UACA: variants seen among roughly 807,000 people sequenced by gnomAD.
UACA encodes the protein nuclear membrane binding protein.
A neutral mutation model predicts 160.5 loss-of-function variants in UACA; 112 were observed. The ratio of observed to expected loss-of-function variants is 0.70; its 90% CI spans 0.60 to 0.82. UACA has a LOEUF of 0.82. Ranked by LOEUF, UACA falls within the 40% of genes least tolerant of loss-of-function variation. UACA has a pLI of 0.00. For synonymous variants in UACA, 557 were observed against 568.4 expected, an observed-to-expected ratio of 0.98 and a Z score of 0.29; for missense variants, 1,574 against 1,614.6, an observed-to-expected ratio of 0.97 and a Z score of 0.43.
intron 18 of UACA, among the ~76,000 whole-genome samples, chr15:70,657,632 C>T (rs1896527565): frequency 6.6e-6 from 1 of 151,988 alleles, no homozygotes; most frequent in Non-Finnish European, 1.5e-5. Context: ...GCTGCTCTAA[C>T]TTCCATTACC....
chr15:70,718,398 T>C (rs1357535134), intron 1 of UACA, among the ~76,000 whole-genome samples: 1 of 147,750 alleles, frequency 6.8e-6, no homozygotes, highest in Non-Finnish European at 1.5e-5. Flanking sequence ...CCTAGGTTAT[T>C]GCTTTGGGGA....
intron 18 of UACA, among the ~76,000 whole-genome samples, chr15:70,657,922 TAAA>T (rs67011580): frequency 3.6e-5 from 5 of 138,654 alleles, no homozygotes; most frequent in African/African-American, 5.4e-5. Flanking sequence ...CGCAAAAACT[TAAA>T]AAAAAAAAAA....
At chr15:70,770,050 A>G in the UACA span, among the ~76,000 whole-genome samples, 12 of 152,250 alleles carry the variant, frequency 7.9e-5, no homozygotes, top group Non-Finnish European at 1.6e-4. Flanking sequence ...ATTTAAAAAA[A>G]TACTTACTGC....
intron 2 of UACA, among the ~76,000 whole-genome samples, chr15:70,696,026 T>C (rs1048304152): frequency 9.9e-5 from 15 of 152,114 alleles, no homozygotes; most frequent in African/African-American, 3.6e-4. Flanking sequence ...TGAACTCAAG[T>C]AGAAATAGAA....
intron 1 of UACA, among the ~76,000 whole-genome samples, chr15:70,743,067 T>C (rs571655452): frequency 6.6e-6 from 1 of 152,284 alleles, no homozygotes; most frequent in East Asian, 1.9e-4. Context: ...CCTTAAGGTA[T>C]AGGACTGAGG....
chr15:70,707,425 A>C (rs1205125941), intron 1 of UACA, among the ~76,000 whole-genome samples: 1 of 152,228 alleles, frequency 6.6e-6, no homozygotes, highest in Non-Finnish European at 1.5e-5. Context: ...AAAATAGATC[A>C]ATGAAACTAT....
chr15:70,702,285 A>C (rs1441186176), intron 1 of UACA: 22 of 1,028,696 alleles, frequency 2.1e-5, no homozygotes, highest in Non-Finnish European at 2.6e-5. Context: ...TCAACACTGC[A>C]ACACAGACGC....
the UACA span, chr15:70,778,641 C>T: frequency 6.6e-6 from 1 of 152,192 alleles, no homozygotes; most frequent in African/African-American, 2.4e-5. Context: ...TTAATCACAT[C>T]TACAAAGACC....
At chr15:70,701,080 A>G (rs1414011245) in intron 1 of UACA, among the ~76,000 whole-genome samples, 1 of 152,176 alleles carries the variant, frequency 6.6e-6, no homozygotes, top group African/African-American at 2.4e-5. Context: ...TGAAAAAAAG[A>G]CAAATACATT....
chr15:70,667,662 G>A lies in UACA; in HGVS notation c.3022C>T (p.Gln1008Ter), dbSNP rs900040152. 1 of 1,613,200 alleles carries A rather than the reference G, an allele frequency of 6.2e-7. No individual in the cohort carries two copies. Among genetic ancestry groups the A allele is most frequent in the Non-Finnish European group, 8.5e-7 (1 of 1,179,962 alleles). The part of the protein sequence containing the change: ...FKATEKELKD[Q>*]LSEQTQKYSV... ...TACTTTTGTGTCTGCTCTGATAACT[G>A]GTCTTTTAGTTCTTTCTCTGTTGCT... The change falls in exon 16 of 19, where the codon CAG becomes TAG. Residue 1008 changes from glutamine (Q) to a stop codon, truncating the protein, a stop_gained. Coordinates refer to ENST00000322954, the MANE Select transcript of UACA (RefSeq NM_018003.4). LOFTEE classifies it high-confidence loss of function.
chr15:70,741,422 G>C (rs541408088), intron 1 of UACA, among the ~76,000 whole-genome samples: 10 of 152,232 alleles, frequency 6.6e-5, no homozygotes, highest in African/African-American at 2.4e-4. Context: ...ACCAAACAAG[G>C]AACTGGGGAG....
At chr15:70,680,308 AC>A (rs372921216) in intron 9 of UACA, among the ~76,000 whole-genome samples, 1 of 151,904 alleles carries the variant, frequency 6.6e-6, no homozygotes, top group African/African-American at 2.4e-5. Context: ...CAAGAGAATA[AC>A]CCCCCTTTCA....
In UACA at chr15:70,745,390, G is replaced by A. The variant is rs551994190; in HGVS notation, c.78+17940C>T. ...GCGGAGCTTGCAGTGAGCCGAGATC[G>A]TGCGTGCCACTGCACTCCAGCCTGG... On this transcript the variant is annotated intron_variant, in intron 1 of 18. Coordinates refer to ENST00000322954, the MANE Select transcript of UACA (RefSeq NM_018003.4). Among the ~76,000 whole-genome samples, 22 of 151,026 alleles carry A rather than the reference G, an allele frequency of 1.5e-4. No homozygotes were observed. In the South Asian group the frequency reaches 4.2e-3, roughly 29 times the overall value.
chr15:70,708,593 G>C (rs1469805346), intron 1 of UACA, among the ~76,000 whole-genome samples: 2 of 151,542 alleles, frequency 1.3e-5, no homozygotes, highest in Admixed American at 6.6e-5. Context: ...TCAGCCTCCC[G>C]AGTAGCTGGG....
At chr15:70,672,066 A>G in intron 13 of UACA, 65 bp from the exon 14 acceptor site, 1 of 1,447,942 alleles carries the variant, frequency 6.9e-7, no homozygotes, top group Non-Finnish European at 9.5e-7. Flanking sequence ...TTCTGTATCT[A>G]TTTTAGCTCT....
chr15:70,679,124 C>T (rs1308327654), intron 10 of UACA, among the ~76,000 whole-genome samples: 4 of 151,998 alleles, frequency 2.6e-5, no homozygotes, highest in East Asian at 3.9e-4. Context: ...ATTAGGCAGC[C>T]GGGTGTGGTG....
chr15:70,667,321 T>C lies in UACA; in HGVS notation c.3363A>G (p.Lys1121=). 1 of 1,611,572 alleles carries C rather than the reference T, an allele frequency of 6.2e-7. No individual in the cohort carries two copies. The highest frequency in any genetic ancestry group is 8.5e-7 in the Non-Finnish European group (1 of 1,179,498). ...HVPLEQVEAL[K]KSLNGTIENL... is the part of the protein sequence containing the mutation. ...TTTCAATTGTGCCATTAAGAGATTTTTTCAGAGCCTCAACCTGTTCCAATG... is the reference window on the plus strand; with the variant it reads ...TTTCAATTGTGCCATTAAGAGATTTCTTCAGAGCCTCAACCTGTTCCAATG... Residue 1121 remains lysine, a synonymous_variant, in exon 16 of 19, where the codon AAA becomes AAG. Transcript: ENST00000322954.
rs1435655697 is a variant in UACA, at chr15:70,672,016, A to G, written c.1132-15T>C. 1.3e-6 allele frequency: 2 copies of G among 1,589,682 alleles called. No homozygotes were observed. The highest frequency in any genetic ancestry group is 1.7e-6 in the Non-Finnish European group (2 of 1,168,440). On this transcript the variant is annotated splice_polypyrimidine_tract_variant and intron_variant, in intron 13 of 18. Transcript: ENST00000322954. ...AAATGATCACTCTGAAATCAGAAGC[A>G]TAAAATATTTTAGGGTGAATGCTGC...
intron 17 of UACA, 129 bp downstream of exon 17, chr15:70,664,533 T>A: frequency 8.4e-7 from 1 of 1,185,122 alleles, no homozygotes; most frequent in Non-Finnish European, 1.1e-6. Flanking sequence ...ACTTTTCGCA[T>A]ATAAAAATAA....
Sources: gnomAD v4.1 joint callset for allele counts (sites outside exome capture counted in the v4.1 genomes callset) on GRCh38, gnomAD v4.1.1 for gene constraint, MANE v1.5 for transcripts, NCBI Gene and HGNC (gene_info 2026-07-23, HGNC 2026-07-21) for gene names.